The following RBMS3 variants were observed in gnomAD, a reference collection of about 807,000 sequenced individuals.
The protein encoded by RBMS3 is RNA binding motif single stranded interacting protein 3, also known as RNA-binding motif, single-stranded-interacting protein 3.
A neutral mutation model predicts 66.8 loss-of-function variants in RBMS3; 27 were observed. The observed-to-expected ratio is 0.40, with a 90% CI of 0.30 to 0.56. The LOEUF is 0.56. RBMS3 is among the 20% of genes least tolerant of loss of function. RBMS3 has a pLI of 0.40. For missense variants in RBMS3, 513 were observed against 549.5 expected, an observed-to-expected ratio of 0.93 and a Z score of 0.66; for synonymous variants, 188 against 183.0, an observed-to-expected ratio of 1.03 and a Z score of -0.22.
At chr3:29,348,253 T>C (rs1575589510) in intron 1 of RBMS3, among the ~76,000 whole-genome samples, 1 of 152,220 alleles carries the variant, frequency 6.6e-6, no homozygotes, top group Admixed American at 6.5e-5. Context: ...CCTGACTGCA[T>C]TGTCATTTAA....
intron 2 of RBMS3, among the ~76,000 whole-genome samples, chr3:29,472,014 T>C (rs1014532441): frequency 6.6e-6 from 1 of 152,106 alleles, no homozygotes; most frequent in Non-Finnish European, 1.5e-5. Context: ...TGTTAGCTTC[T>C]GCCATCAATG....
intron 1 of RBMS3, among the ~76,000 whole-genome samples, chr3:29,353,583 G>C (rs984509697): frequency 1.3e-5 from 2 of 151,912 alleles, no homozygotes; most frequent in African/African-American, 4.8e-5. Flanking sequence ...AGTCTGGTGG[G>C]AATATTTTAA....
intron 4 of RBMS3, chr3:29,616,764 GA>G (rs1163954304): frequency 1.3e-5 from 2 of 152,022 alleles, no homozygotes; most frequent in Non-Finnish European, 2.9e-5. Flanking sequence ...ACATTCCTGG[GA>G]AAATAAATAG....
intron 1 of RBMS3, among the ~76,000 whole-genome samples, chr3:29,334,410 C>G (rs2035832004): frequency 6.6e-6 from 1 of 152,042 alleles, no homozygotes. Context: ...TATTTAGTAG[C>G]TAATTTTTCC....
At chr3:29,398,563 T>G (rs1400739211) in intron 1 of RBMS3, among the ~76,000 whole-genome samples, 1 of 152,208 alleles carries the variant, frequency 6.6e-6, no homozygotes, top group Non-Finnish European at 1.5e-5. Flanking sequence ...AAAACTCTTC[T>G]GAATTAGAGA....
At chr3:29,564,487 A>T (rs1435937360) in intron 3 of RBMS3, among the ~76,000 whole-genome samples, 3 of 104,968 alleles carry the variant, frequency 2.9e-5, no homozygotes, top group African/African-American at 8.1e-5. Context: ...AAGTTCATTA[A>T]AAAAAAAAAA....
intron 4 of RBMS3, among the ~76,000 whole-genome samples, chr3:29,715,986 T>G (rs1396607333): frequency 6.6e-6 from 1 of 152,134 alleles, no homozygotes; most frequent in East Asian, 1.9e-4. Context: ...AGAGATGTCT[T>G]AAAATATGAC....
At chr3:29,351,704 T>C (rs2036924514) in intron 1 of RBMS3, among the ~76,000 whole-genome samples, 1 of 152,094 alleles carries the variant, frequency 6.6e-6, no homozygotes. Context: ...TTTTGCCATA[T>C]AGAAGTTTAA....
At chr3:29,939,486 A>T (rs558129732) in intron 11 of RBMS3, among the ~76,000 whole-genome samples, 5 of 152,024 alleles carry the variant, frequency 3.3e-5, no homozygotes, top group Non-Finnish European at 1.5e-5. Context: ...TGTGATGGCT[A>T]TTGCCACATG....
intron 12 of RBMS3, among the ~76,000 whole-genome samples, chr3:29,951,810 A>T (rs1695698373): frequency 6.6e-6 from 1 of 151,630 alleles, no homozygotes; most frequent in African/African-American, 2.4e-5. Flanking sequence ...AGGTGAATTA[A>T]TATAAATATA....
intron 4 of RBMS3, among the ~76,000 whole-genome samples, chr3:29,673,182 A>G (rs1189497162): frequency 6.6e-6 from 1 of 152,198 alleles, no homozygotes; most frequent in East Asian, 1.9e-4. Context: ...AGAAATAAAG[A>G]TGTTCTTTGA....
intron 1 of RBMS3, among the ~76,000 whole-genome samples, chr3:29,411,967 A>G (rs1340578979): frequency 1.3e-5 from 2 of 152,260 alleles, no homozygotes; most frequent in Admixed American, 6.5e-5. Context: ...CATTGTAACA[A>G]TGATTTGAAC....
At chr3:29,646,312 G>C (rs142024215) in intron 4 of RBMS3, among the ~76,000 whole-genome samples, 82 of 152,264 alleles carry the variant, frequency 5.4e-4, no homozygotes, top group African/African-American at 1.9e-3. Context: ...GTCTACATTG[G>C]CTTAGAGGCA....
intron 3 of RBMS3, among the ~76,000 whole-genome samples, chr3:29,568,768 C>A (rs578241400): frequency 9.1e-4 from 139 of 152,228 alleles, no homozygotes; most frequent in Non-Finnish European, 1.5e-3. Flanking sequence ...TGTGTACTCC[C>A]TAATATTAGA....
chr3:29,488,408 T>C, intron 2 of RBMS3, 33 bp from the exon 3 acceptor site: 1 of 1,528,322 alleles, frequency 6.5e-7, no homozygotes, highest in Non-Finnish European at 8.9e-7. Flanking sequence ...TGGGTTACAA[T>C]AACATGGGTT....
At chr3:29,482,701 C>CTT (rs755520785) in intron 2 of RBMS3, among the ~76,000 whole-genome samples, 2,166 of 77,412 alleles carry the variant, frequency 0.028, 186 homozygotes, top group East Asian at 0.21. Flanking sequence ...TTCTTTCTTT[C>CTT]TTTTTTTTTT....
rs113891372 is a variant in RBMS3, at chr3:29,555,327, G to A, written c.308-31787G>A. 6.5e-3 allele frequency among the ~76,000 whole-genome samples: 993 copies of A among 152,272 alleles called. 15 individuals are homozygous for A. Among genetic ancestry groups the A allele is most frequent in the African/African-American group, 0.023 (958 of 41,544 alleles). On this transcript the variant is annotated intron_variant, in intron 3 of 14. Transcript: ENST00000383767. ...CTTCACTATGTGACATTTCGCAGAA[G>A]AGATTATACAGACCCTCTAAATGAT...
At chr3:29,749,160 A>C (rs6767352) in intron 5 of RBMS3, among the ~76,000 whole-genome samples, 71,097 of 152,050 alleles carry the variant, frequency 0.47, 17,806 homozygotes, top group African/African-American at 0.65. Flanking sequence ...ACTGGTGAGT[A>C]CACTGAAAAC....
chr3:29,719,154 C>G (rs895027442), intron 4 of RBMS3, among the ~76,000 whole-genome samples: 4 of 152,092 alleles, frequency 2.6e-5, no homozygotes, highest in Non-Finnish European at 5.9e-5. Context: ...TCTAATGATT[C>G]CTCAAGTCTT....
Sources: gnomAD v4.1 joint callset for allele counts (sites outside exome capture counted in the v4.1 genomes callset) on GRCh38, gnomAD v4.1.1 for gene constraint, MANE v1.5 for transcripts, NCBI Gene and HGNC (gene_info 2026-07-23, HGNC 2026-07-21) for gene names.